The following GABRB2 variants were observed in gnomAD, a reference collection of about 807,000 sequenced individuals.
GABRB2 encodes gamma-aminobutyric acid type A receptor subunit beta2, also known as gamma-aminobutyric acid receptor subunit beta-2.
A neutral mutation model predicts 54.7 loss-of-function variants in GABRB2; 16 were observed. The ratio of observed to expected loss-of-function variants is 0.29; its 90% CI spans 0.20 to 0.44. The LOEUF (loss-of-function observed/expected upper bound fraction) is 0.44, where lower values mean the gene tolerates loss of function less well. Ranked by LOEUF, GABRB2 falls within the 20% of genes least tolerant of loss-of-function variation. The pLI, the probability that GABRB2 is intolerant of heterozygous loss-of-function variation, is 1.00. For synonymous variants in GABRB2, 244 were observed against 233.8 expected (o/e 1.04, Z -0.40); for missense variants, 355 against 644.0 (o/e 0.55, Z 4.86).
chr5:161,302,683 T>C (rs1315873968), intron 9 of GABRB2, among the ~76,000 whole-genome samples: 1 of 152,218 alleles, frequency 6.6e-6, no homozygotes, highest in Non-Finnish European at 1.5e-5. Context: ...TTCCATGAAA[T>C]GGCACTGTGA....
intron 4 of GABRB2, among the ~76,000 whole-genome samples, chr5:161,417,724 A>C (rs899339651): frequency 6.6e-6 from 1 of 152,160 alleles, no homozygotes; most frequent in African/African-American, 2.4e-5. Flanking sequence ...CCCACCCCAG[A>C]CAAGCAAATA....
intron 4 of GABRB2, among the ~76,000 whole-genome samples, chr5:161,444,602 A>G (rs373092566): frequency 6.6e-6 from 1 of 152,160 alleles, no homozygotes; most frequent in South Asian, 2.1e-4. Context: ...TTTGCACTTA[A>G]TTTATAATTT....
intron 3 of GABRB2, among the ~76,000 whole-genome samples, chr5:161,503,415 T>C (rs1759507361): frequency 6.6e-6 from 1 of 151,792 alleles, no homozygotes; most frequent in African/African-American, 2.4e-5. Context: ...AGTAATAAGG[T>C]TGGTTTAAAC....
intron 5 of GABRB2, among the ~76,000 whole-genome samples, chr5:161,399,788 T>C (rs995026552): frequency 1.3e-5 from 2 of 152,200 alleles, no homozygotes; most frequent in African/African-American, 4.8e-5. Flanking sequence ...CAAGACCCCA[T>C]GTCCTCATCT....
intron 4 of GABRB2, among the ~76,000 whole-genome samples, chr5:161,430,414 T>A (rs1247281211): frequency 6.6e-6 from 1 of 152,176 alleles, no homozygotes; most frequent in Non-Finnish European, 1.5e-5. Flanking sequence ...TTAGCCCACT[T>A]TTCTCTGGTA....
chr5:161,458,566 G>T (rs1051673402), intron 4 of GABRB2, among the ~76,000 whole-genome samples: 8 of 152,182 alleles, frequency 5.3e-5, no homozygotes, highest in Non-Finnish European at 1.0e-4. Flanking sequence ...GAATAGACAA[G>T]AAATATGTGG....
At chr5:161,305,690 A>G (rs1001716260) in intron 9 of GABRB2, among the ~76,000 whole-genome samples, 7 of 152,210 alleles carry the variant, frequency 4.6e-5, no homozygotes, top group African/African-American at 1.4e-4. Flanking sequence ...TGTACACACC[A>G]TTTACCTAGT....
Position 161,463,549 on chromosome 5 carries a change from TTTTATTTATATATATATATATATA to T in GABRB2, c.238-3729_238-3706del, listed in dbSNP as rs1352544168. Among the ~76,000 whole-genome samples the T allele has an allele frequency of 3.7e-4, 20 of 54,488 alleles. 1 individual carries two copies. The East Asian group carries it at 4.8e-3, about 13-fold the overall frequency. 35.7% of individuals were successfully genotyped at this position (54,488 alleles called of 152,430 possible). ...ATGTTGACAAGGTGATTCCAAATAT[TTTTATTTATATATATATATATATA>T]TATATATATATATATATATATATAT... On this transcript the variant is annotated intron_variant, in intron 3 of 9. Coordinates refer to ENST00000393959, the MANE Select transcript of GABRB2 (RefSeq NM_001371727.1).
chr5:161,497,530 A>ATGTG (rs71587162), intron 3 of GABRB2, among the ~76,000 whole-genome samples: 24,477 of 147,040 alleles, frequency 0.17, 4,256 homozygotes, highest in African/African-American at 0.45. Context: ...GTGTGTGTAT[A>ATGTG]TGTGTGTGTG....
At chr5:161,464,309 C>T (rs925059449) in intron 3 of GABRB2, among the ~76,000 whole-genome samples, 1 of 151,860 alleles carries the variant, frequency 6.6e-6, no homozygotes, top group Non-Finnish European at 1.5e-5. Flanking sequence ...ACCAAAGATA[C>T]AAATATAGTA....
At chr5:161,416,816 G>C in intron 4 of GABRB2, among the ~76,000 whole-genome samples, 1 of 148,544 alleles carries the variant, frequency 6.7e-6, no homozygotes, top group Non-Finnish European at 1.5e-5. Flanking sequence ...TTACATAAAA[G>C]CACAATTTAT....
At chr5:161,475,524 C>T (rs941015539) in intron 3 of GABRB2, among the ~76,000 whole-genome samples, 5 of 151,778 alleles carry the variant, frequency 3.3e-5, no homozygotes, top group Non-Finnish European at 7.4e-5. Flanking sequence ...GGAAAGAAGA[C>T]TAGAGACCAA....
chr5:161,508,376 C>T (rs1342489013), intron 3 of GABRB2, among the ~76,000 whole-genome samples: 2 of 149,856 alleles, frequency 1.3e-5, no homozygotes, highest in South Asian at 2.1e-4. Flanking sequence ...ATTAAGACAA[C>T]ATTGACATGA....
chr5:161,310,384 C>T (rs1443066126), intron 9 of GABRB2, among the ~76,000 whole-genome samples: 3 of 152,204 alleles, frequency 2.0e-5, no homozygotes, highest in African/African-American at 7.2e-5. Context: ...ATCTCCATCT[C>T]TCTTAGATAT....
At chr5:161,527,088 T>C (rs531161495) in intron 3 of GABRB2, among the ~76,000 whole-genome samples, 1 of 151,594 alleles carries the variant, frequency 6.6e-6, no homozygotes, top group Admixed American at 6.6e-5. Context: ...AAGATATCTG[T>C]CTTACATTTA....
chr5:161,302,595 T>TA (rs1469512322), intron 9 of GABRB2, among the ~76,000 whole-genome samples: 3 of 152,170 alleles, frequency 2.0e-5, no homozygotes, highest in South Asian at 2.1e-4. Flanking sequence ...TGAGAAATTG[T>TA]AAAAATCCAA....
chr5:161,517,955 C>T (rs1759998805), intron 3 of GABRB2, among the ~76,000 whole-genome samples: 1 of 150,028 alleles, frequency 6.7e-6, no homozygotes. Flanking sequence ...CGCCACCACA[C>T]CCGCCACCAC....
chr5:161,406,689 GGAGT>G (rs1209289833), intron 5 of GABRB2, among the ~76,000 whole-genome samples: 1 of 151,960 alleles, frequency 6.6e-6, no homozygotes, highest in Non-Finnish European at 1.5e-5. Context: ...GTCTACTAAG[GGAGT>G]GACTTTGCCA....
upstream of GABRB2, among the ~76,000 whole-genome samples, chr5:161,547,729 G>T (rs1342527212): frequency 1.3e-5 from 2 of 152,136 alleles, no homozygotes; most frequent in Non-Finnish European, 2.9e-5. Flanking sequence ...CCCTAGCGCA[G>T]GTGCGGGGGA....
Sources: allele counts gnomAD v4.1 joint callset (sites outside exome capture counted in the v4.1 genomes callset), GRCh38; gene constraint gnomAD v4.1.1; transcripts MANE v1.5; gene names NCBI Gene and HGNC (gene_info 2026-07-23, HGNC 2026-07-21).